Variants in ATXN1 observed in about 807,000 individuals in gnomAD.
ATXN1 encodes ataxin 1.
ATXN1 carries 8 observed loss-of-function variants against 56.4 expected under a neutral mutation model. The ratio of observed to expected loss-of-function variants is 0.14; its 90% CI spans 0.08 to 0.26. The LOEUF is 0.26. ATXN1 is among the 10% of genes least tolerant of loss of function. The probability of loss-of-function intolerance (pLI) is 1.00; values close to 1 mark genes in which losing one functional copy is unlikely to be tolerated. For missense variants in ATXN1, 987 were observed against 1,106.5 expected (o/e 0.89, Z 1.53); for synonymous variants, 514 against 494.6 (o/e 1.04, Z -0.52).
At chr6:16,324,477 A>G (rs1561850444) in intron 7 of ATXN1, among the ~76,000 whole-genome samples, 1 of 152,048 alleles carries the variant, frequency 6.6e-6, no homozygotes, top group African/African-American at 2.4e-5. Flanking sequence ...GCCCAAAACA[A>G]TTCAAACCAT....
At chr6:16,625,537 G>A (rs959658866) in intron 3 of ATXN1, among the ~76,000 whole-genome samples, 1 of 152,064 alleles carries the variant, frequency 6.6e-6, no homozygotes, top group African/African-American at 2.4e-5. Flanking sequence ...CATGCACAGA[G>A]AGCTGATAAT....
At chr6:16,382,814 G>A (rs1758157253) in intron 6 of ATXN1, among the ~76,000 whole-genome samples, 1 of 147,844 alleles carries the variant, frequency 6.8e-6, no homozygotes, top group Middle Eastern at 3.3e-3. Context: ...TATCACTAAT[G>A]ACAGCTGATG....
intron 6 of ATXN1, among the ~76,000 whole-genome samples, chr6:16,466,978 T>G (rs1268280621): frequency 6.6e-6 from 1 of 152,206 alleles, no homozygotes; most frequent in African/African-American, 2.4e-5. Flanking sequence ...AAAGCCAGTG[T>G]TTGCATTAAA....
chr6:16,368,488 C>T (rs538769940), intron 6 of ATXN1, among the ~76,000 whole-genome samples: 21 of 151,812 alleles, frequency 1.4e-4, no homozygotes, highest in African/African-American at 4.8e-4. Flanking sequence ...ATGTCTCAAT[C>T]GGGAAGCAGA....
At chr6:16,347,876 T>TA (rs56792852) in intron 6 of ATXN1, among the ~76,000 whole-genome samples, 3,248 of 152,306 alleles carry the variant, frequency 0.021, 108 homozygotes, top group African/African-American at 0.073. Flanking sequence ...GTGGAAGCTT[T>TA]GTTCTTTTTG....
chr6:16,750,459 C>A (rs1243524514), intron 2 of ATXN1, among the ~76,000 whole-genome samples: 1 of 152,068 alleles, frequency 6.6e-6, no homozygotes, highest in Non-Finnish European at 1.5e-5. Context: ...TAAAAGAGTA[C>A]AACATGAATG....
chr6:16,328,400 G>A lies in ATXN1; in HGVS notation c.-90C>T. ...AAACGGAAAGTCACATTTGATTTCTGTAGGGGATCCAGGCTCTTCATGAGG... is the reference window on the plus strand; with the variant it reads ...AAACGGAAAGTCACATTTGATTTCTATAGGGGATCCAGGCTCTTCATGAGG... On this transcript the variant is annotated 5_prime_UTR_variant, in exon 7 of 8. It introduces an in-frame stop codon into an upstream open reading frame of the 5' UTR. Coordinates refer to ENST00000436367, the MANE Select transcript of ATXN1 (RefSeq NM_001128164.2). The surrounding 1 kb of genome is among the most constrained non-coding windows in gnomAD (Gnocchi z 6.2). The A allele has an allele frequency of 7.1e-7, 1 of 1,400,238 alleles. No homozygotes were observed. Among genetic ancestry groups the A allele is most frequent in the Non-Finnish European group, 9.3e-7 (1 of 1,080,668 alleles). The allele number at this position is 1,400,238 out of a possible 1,614,324, so 86.7% of individuals were successfully genotyped here.
intron 6 of ATXN1, among the ~76,000 whole-genome samples, chr6:16,468,670 C>T (rs1202940040): frequency 6.6e-6 from 1 of 152,082 alleles, no homozygotes; most frequent in Non-Finnish European, 1.5e-5. Context: ...CAATGCAAAG[C>T]AAATTAGCCA....
chr6:16,685,421 T>C lies in ATXN1; in HGVS notation c.-614-27520A>G, dbSNP rs1471274218. Reference sequence around the variant, plus strand: ...GAATGAGTAACTAGTGAGGGCATCTTAGGGAGTTCCCCCGCCCACAGACTA... The same window carrying C: ...GAATGAGTAACTAGTGAGGGCATCTCAGGGAGTTCCCCCGCCCACAGACTA... On this transcript the variant is annotated intron_variant, in intron 2 of 7. Transcript: ENST00000436367. Among the ~76,000 whole-genome samples the C allele has an allele frequency of 2.0e-5, 3 of 152,264 alleles. No individual in the cohort carries two copies. The East Asian group carries it at 5.8e-4, about 29-fold the overall frequency.
chr6:16,680,746 A>G (rs1056444881), intron 2 of ATXN1, among the ~76,000 whole-genome samples: 1 of 152,252 alleles, frequency 6.6e-6, no homozygotes, highest in Non-Finnish European at 1.5e-5. Context: ...AAAAAAGCTG[A>G]AGTATGACCA....
At chr6:16,317,650 G>A (rs1303071188) in intron 7 of ATXN1, among the ~76,000 whole-genome samples, 2 of 152,014 alleles carry the variant, frequency 1.3e-5, no homozygotes, top group Non-Finnish European at 2.9e-5. Flanking sequence ...TTGTAAGCTT[G>A]AGGGCCCTCT....
intron 6 of ATXN1, among the ~76,000 whole-genome samples, chr6:16,402,242 GTTTTTTTTTTTTTT>G (rs58048762): frequency 4.8e-5 from 3 of 62,120 alleles, no homozygotes; most frequent in African/African-American, 2.0e-4. Flanking sequence ...ACCACTGACA[GTTTTTTTTTTTTTT>G]TTTTTTTTTT....
intron 3 of ATXN1, among the ~76,000 whole-genome samples, chr6:16,639,408 G>T (rs957891311): frequency 6.6e-6 from 1 of 152,164 alleles, no homozygotes; most frequent in Admixed American, 6.5e-5. Context: ...CCACCTCCTA[G>T]GTTCAAGCGA....
At chr6:16,593,653 G>A (rs1762762452) in intron 3 of ATXN1, among the ~76,000 whole-genome samples, 1 of 151,836 alleles carries the variant, frequency 6.6e-6, no homozygotes, top group Non-Finnish European at 1.5e-5. Context: ...TAGTTTAATT[G>A]TGCTTGATTT....
intron 5 of ATXN1, among the ~76,000 whole-genome samples, chr6:16,492,994 A>G (rs1158788479): frequency 1.3e-5 from 2 of 152,022 alleles, no homozygotes; most frequent in African/African-American, 2.4e-5. Context: ...AGTCCTACCA[A>G]TTCTGCACCC....
intron 6 of ATXN1, among the ~76,000 whole-genome samples, chr6:16,414,793 C>T (rs1758869414): frequency 6.6e-6 from 1 of 152,162 alleles, no homozygotes; most frequent in South Asian, 2.1e-4. Flanking sequence ...AGAATATGGC[C>T]TTTGTCCTTC....
intron 6 of ATXN1, among the ~76,000 whole-genome samples, chr6:16,394,136 G>A (rs545000422): frequency 6.6e-6 from 1 of 152,076 alleles, no homozygotes; most frequent in Admixed American, 6.5e-5. Context: ...TTCCTTCTGT[G>A]TTCCTAACTA....
chr6:16,454,125 C>CAAAAAAAAAAAAAAAAAAAAAAAA (rs56277549), intron 6 of ATXN1, among the ~76,000 whole-genome samples: 1 of 76,668 alleles, frequency 1.3e-5, no homozygotes. Context: ...GACTCTGTCT[C>CAAAAAAAAAAAAAAAAAAAAAAAA]AAAAAAAAAA....
chr6:16,719,755 G>A (rs1289319221), intron 2 of ATXN1, among the ~76,000 whole-genome samples: 1 of 152,134 alleles, frequency 6.6e-6, no homozygotes, highest in African/African-American at 2.4e-5. Flanking sequence ...GAGAGGACCT[G>A]GTACAGACAC....
Sources: gnomAD v4.1 joint callset for allele counts (sites outside exome capture counted in the v4.1 genomes callset) on GRCh38, gnomAD v4.1.1 for gene constraint, Gnocchi (gnomAD v3.1) non-coding constraint, MANE v1.5 for transcripts, NCBI Gene and HGNC (gene_info 2026-07-23, HGNC 2026-07-21) for gene names.